Variants in GRIK3 observed in about 807,000 individuals in gnomAD.
The protein encoded by GRIK3 is glutamate ionotropic receptor kainate type subunit 3.
GRIK3 carries 29 observed loss-of-function variants against 102.5 expected under a neutral mutation model. That is an observed-to-expected ratio of 0.28 (90% confidence interval 0.21 to 0.39). The LOEUF (loss-of-function observed/expected upper bound fraction) is 0.39. Among genes scored for constraint, GRIK3 ranks in the 10% least tolerant of loss-of-function variants. The pLI is 1.00. For missense variants in GRIK3, 908 were observed against 1,252.4 expected (o/e 0.73, Z 4.15); for synonymous variants, 511 against 504.9 (o/e 1.01, Z -0.16).
rs138070641 is a variant in GRIK3 at position 37,021,268 on chromosome 1, T to C, written c.115+12726A>G. Among the ~76,000 whole-genome samples the C allele has an allele frequency of 5.8e-3, 885 of 152,230 alleles. 11 individuals are homozygous for C. Among genetic ancestry groups the C allele is most frequent in the African/African-American group, 0.019 (804 of 41,518 alleles). On this transcript the variant is annotated intron_variant, in intron 1 of 15. Coordinates refer to ENST00000373091, the MANE Select transcript of GRIK3 (RefSeq NM_000831.4). ...ATGACACAAGTCATTTTCTCTTTTC[T>C]GTCTTCAGCATCCCAACCCGTGAAA...
intron 1 of GRIK3, among the ~76,000 whole-genome samples, chr1:37,019,491 A>G (rs907673663): frequency 3.3e-5 from 5 of 152,178 alleles, no homozygotes; most frequent in African/African-American, 1.2e-4. Flanking sequence ...CTCTGGTCTA[A>G]ACTGTACATA....
In GRIK3 at chr1:36,850,030, C is replaced by A; in HGVS notation, c.1326+281G>T. The A allele has an allele frequency of 2.8e-6, 1 of 354,544 alleles. No individual in the cohort carries two copies. Among genetic ancestry groups the A allele is most frequent in the Non-Finnish European group, 5.2e-6 (1 of 193,454 alleles). 22.0% of individuals were successfully genotyped at this position (354,544 alleles called of 1,614,324 possible). ...ACTCAGGTTGCAATGGGCTGTCAAACCCCCTTAATTCCACCATCCAGCATG... is the reference window on the plus strand; with the variant it reads ...ACTCAGGTTGCAATGGGCTGTCAAAACCCCTTAATTCCACCATCCAGCATG... On this transcript the variant is annotated intron_variant, in intron 9 of 15. Transcript: ENST00000373091. The surrounding 1 kb of genome is among the most constrained non-coding windows in gnomAD (Gnocchi z 4.0).
chr1:36,810,329 G>A (rs533940533), intron 13 of GRIK3, among the ~76,000 whole-genome samples: 78 of 152,258 alleles, frequency 5.1e-4, no homozygotes, highest in African/African-American at 1.7e-3. Context: ...GGCCCTGGTT[G>A]GAACCTTAAT....
Position 36,805,050 on chromosome 1 carries a change from G to C in GRIK3, c.2502C>G (p.Leu834=), listed in dbSNP as rs1642483572. The change falls in exon 15 of 16, where the codon CTC becomes CTG. Residue 834 remains leucine (L), a synonymous_variant. Coordinates refer to ENST00000373091, the MANE Select transcript of GRIK3 (RefSeq NM_000831.4). The part of the protein sequence containing the change: ...IFIVLAAGLV[L]SVLVAVGEFV... ...ACTCGCCCACGGCCACCAGCACAGA[G>C]AGGACCAGCCCGGCGGCCAGGACAA... 6 of 1,614,226 alleles carry C rather than the reference G, an allele frequency of 3.7e-6. No homozygotes were observed. The highest frequency in any genetic ancestry group is 1.7e-5 in the Admixed American group (1 of 60,036).
intron 11 of GRIK3, among the ~76,000 whole-genome samples, chr1:36,820,679 T>G (rs1202985681): frequency 6.6e-6 from 1 of 152,216 alleles, no homozygotes; most frequent in Non-Finnish European, 1.5e-5. Flanking sequence ...AAGACACATT[T>G]TATAAAATAT....
chr1:36,927,842 G>A (rs1228837517), intron 1 of GRIK3, among the ~76,000 whole-genome samples: 2 of 152,086 alleles, frequency 1.3e-5, no homozygotes, highest in Admixed American at 6.5e-5. Context: ...CGAGAGGCAG[G>A]GGGAGAGATA....
chr1:36,811,834 G>A (rs527266586), intron 13 of GRIK3, among the ~76,000 whole-genome samples: 1 of 152,172 alleles, frequency 6.6e-6, no homozygotes, highest in African/African-American at 2.4e-5. Context: ...GAACCCTCTT[G>A]CTAATTGCTG....
At chr1:36,862,548 G>C (rs1021938463) in intron 5 of GRIK3, among the ~76,000 whole-genome samples, 1 of 152,178 alleles carries the variant, frequency 6.6e-6, no homozygotes, top group African/African-American at 2.4e-5. Flanking sequence ...TCGTGACTGA[G>C]AAACACACAC....
chr1:36,805,747 A>G (rs573297838), intron 14 of GRIK3, among the ~76,000 whole-genome samples: 1 of 151,676 alleles, frequency 6.6e-6, no homozygotes, highest in Non-Finnish European at 1.5e-5. Context: ...GACCAGCCTG[A>G]CCAACATGGA....
At chr1:36,861,721 T>G (rs1484990822) in intron 5 of GRIK3, among the ~76,000 whole-genome samples, 3 of 152,204 alleles carry the variant, frequency 2.0e-5, no homozygotes. Context: ...TGGTTTCCTC[T>G]TCAATGATTT....
chr1:36,955,348 G>A (rs1021570370), intron 1 of GRIK3, among the ~76,000 whole-genome samples: 10 of 152,168 alleles, frequency 6.6e-5, no homozygotes, highest in Admixed American at 2.0e-4. Flanking sequence ...GTGCTTCCCC[G>A]TCCACACACC....
rs78350028 is a variant in GRIK3 at position 37,008,692 on chromosome 1, C to T, written c.115+25302G>A. The stretch of plus-strand genomic sequence containing the variant: ...TCCCTGGAGAGCTCCATGCACTCAC[C>T]ACCCCTGCTCCCAGACAGGGATGGC... On this transcript the variant is annotated intron_variant, in intron 1 of 15. Coordinates refer to ENST00000373091, the MANE Select transcript of GRIK3 (RefSeq NM_000831.4). Among the ~76,000 whole-genome samples, 499 of 152,286 alleles carry T rather than the reference C, an allele frequency of 3.3e-3. 1 individual carries two copies. Among genetic ancestry groups the T allele is most frequent in the Middle Eastern group, 6.8e-3 (2 of 294 alleles).
chr1:36,925,511 A>C (rs1641518008), intron 1 of GRIK3, among the ~76,000 whole-genome samples: 1 of 152,262 alleles, frequency 6.6e-6, no homozygotes, highest in African/African-American at 2.4e-5. Context: ...GATCAGGAGC[A>C]AGTCCAGATG....
At chr1:36,927,124 G>A (rs1641535503) in intron 1 of GRIK3, among the ~76,000 whole-genome samples, 1 of 152,218 alleles carries the variant, frequency 6.6e-6, no homozygotes, top group Non-Finnish European at 1.5e-5. Flanking sequence ...TACACATGGA[G>A]CTAAGTGTGA....
chr1:36,863,731 G>C (rs990794125), intron 5 of GRIK3, among the ~76,000 whole-genome samples: 1 of 152,138 alleles, frequency 6.6e-6, no homozygotes, highest in Non-Finnish European at 1.5e-5. Context: ...CGTCAGACGC[G>C]ATTCTGCTCT....
intron 1 of GRIK3, among the ~76,000 whole-genome samples, chr1:36,972,238 C>T (rs1358073170): frequency 6.6e-6 from 1 of 152,244 alleles, no homozygotes; most frequent in African/African-American, 2.4e-5. Flanking sequence ...TCCTGCAGAA[C>T]TTCAGTGGTC....
Position 36,806,047 on chromosome 1 carries a change from G to T in GRIK3, c.2314+57C>A. The T allele has an allele frequency of 1.7e-6, 2 of 1,198,764 alleles. No individual in the cohort carries two copies. The highest frequency in any genetic ancestry group is 2.4e-6 in the Non-Finnish European group (2 of 816,874). The allele number at this position is 1,198,764 out of a possible 1,614,324, so 74.3% of individuals were successfully genotyped here. On this transcript the variant is annotated intron_variant, in intron 14 of 15. Coordinates refer to ENST00000373091, the MANE Select transcript of GRIK3 (RefSeq NM_000831.4). The surrounding 1 kb of genome is among the most constrained non-coding windows in gnomAD (Gnocchi z 4.0). ...AGACGGAGTGTGAGGGGACGCGGGG[G>T]TGGAGCCCTCCCTCTGCCCACACAC...
intron 1 of GRIK3, among the ~76,000 whole-genome samples, chr1:36,949,996 TC>T (rs1485320827): frequency 1.1e-4 from 16 of 152,330 alleles, no homozygotes; most frequent in Admixed American, 5.9e-4. Flanking sequence ...AGGATTTGAA[TC>T]CAGGCCACCT....
intron 1 of GRIK3, among the ~76,000 whole-genome samples, chr1:37,025,385 C>T (rs1206529885): frequency 2.6e-5 from 4 of 152,162 alleles, no homozygotes; most frequent in Admixed American, 1.3e-4. Context: ...GAATCAGAAG[C>T]TCTGCGGATG....
Sources: gnomAD v4.1 joint callset for allele counts (sites outside exome capture counted in the v4.1 genomes callset) on GRCh38, gnomAD v4.1.1 for gene constraint, Gnocchi (gnomAD v3.1) non-coding constraint, MANE v1.5 for transcripts, NCBI Gene and HGNC (gene_info 2026-07-23, HGNC 2026-07-21) for gene names.